MPRIP: variants seen among roughly 807,000 people sequenced by gnomAD.
The protein encoded by MPRIP is myosin phosphatase Rho interacting protein, also known as myosin phosphatase Rho-interacting protein.
In MPRIP, 59 loss-of-function variants were observed where a neutral mutation model predicts 234.9. The observed-to-expected ratio is 0.25, with a 90% CI of 0.20 to 0.31. The LOEUF (loss-of-function observed/expected upper bound fraction) is 0.31. MPRIP is among the 10% of genes least tolerant of loss of function. MPRIP has a pLI of 1.00. For synonymous variants in MPRIP, 1,144 were observed against 1,263.9 expected, an observed-to-expected ratio of 0.91 and a Z score of 2.01; for missense variants, 2,436 against 3,071.0, an observed-to-expected ratio of 0.79 and a Z score of 4.89.
intron 3 of MPRIP, among the ~76,000 whole-genome samples, chr17:17,116,912 C>T (rs2090296480): frequency 6.6e-6 from 1 of 152,252 alleles, no homozygotes; most frequent in Non-Finnish European, 1.5e-5. Flanking sequence ...CTGCACGGTA[C>T]TCAGCTGCCT....
intron 3 of MPRIP, among the ~76,000 whole-genome samples, chr17:17,122,144 A>G (rs2090401336): frequency 6.6e-6 from 1 of 152,170 alleles, no homozygotes; most frequent in African/African-American, 2.4e-5. Flanking sequence ...TAATAGAATG[A>G]CTTATATTCC....
At chr17:17,092,506 C>T (rs1478373519) in intron 3 of MPRIP, among the ~76,000 whole-genome samples, 3 of 152,052 alleles carry the variant, frequency 2.0e-5, no homozygotes, top group African/African-American at 2.4e-5. Context: ...GAGTGGGGGA[C>T]GGAGAGGCCA....
chr17:17,054,061 ACTTC>A (rs1332880224), intron 1 of MPRIP, among the ~76,000 whole-genome samples: 1 of 152,242 alleles, frequency 6.6e-6, no homozygotes, highest in Admixed American at 6.5e-5. Flanking sequence ...AATTAACCAA[ACTTC>A]TAAATAAAGA....
chr17:17,142,717 C>G lies in MPRIP; in HGVS notation c.1341C>G (p.Ser447Arg). ...ATGCAGTGGGGCCCTCACCATCCAG[C>G]GACACACGCCAGGGCCGCAGCGAGA... Reference protein sequence around the residue: ...ETNAVGPSPSSDTRQGRSEKR... With the variant: ...ETNAVGPSPSRDTRQGRSEKR... The change falls in exon 8 of 24, where the codon AGC becomes AGG. Residue 447 changes from serine to arginine, a missense_variant. This residue lies in a region of MPRIP where 267 missense variants were observed against 252.7 expected (regional missense o/e 1.06). Coordinates refer to ENST00000651222, the MANE Select transcript of MPRIP (RefSeq NM_001364716.4). 6.2e-7 allele frequency: 1 copy of G among 1,612,502 alleles called. No individual in the cohort carries two copies. Among genetic ancestry groups the G allele is most frequent in the Non-Finnish European group, 8.5e-7 (1 of 1,179,982 alleles).
chr17:17,111,922 GT>G (rs958794998), intron 3 of MPRIP, among the ~76,000 whole-genome samples: 2 of 152,064 alleles, frequency 1.3e-5, no homozygotes, highest in Non-Finnish European at 2.9e-5. Context: ...CCTGGCATTT[GT>G]TTAGCTTGCC....
rs1291367459 is a variant in MPRIP, at chr17:17,190,571, AG to A, written c.*5678del. ...TCTCAAATTTTGTCTGCCAGGGACA[AG>A]ACCCTGTTCATTCTTTTGCCCTTTT... On this transcript the variant is annotated 3_prime_UTR_variant, in exon 24 of 24. Coordinates refer to ENST00000651222, the MANE Select transcript of MPRIP (RefSeq NM_001364716.4). 1.3e-5 allele frequency: 2 copies of A among 152,254 alleles called. No homozygotes were observed. Among genetic ancestry groups the A allele is most frequent in the Non-Finnish European group, 2.9e-5 (2 of 68,050 alleles). 9.4% of individuals were successfully genotyped at this position (152,254 alleles called of 1,614,324 possible). A position where few individuals can be genotyped will look rare whatever the true frequency, so the allele number is the denominator to read the frequency against.
At chr17:17,117,620 A>G (rs2090311587) in intron 3 of MPRIP, among the ~76,000 whole-genome samples, 1 of 152,204 alleles carries the variant, frequency 6.6e-6, no homozygotes, top group African/African-American at 2.4e-5. Context: ...CCACTGATGG[A>G]CATTTGGGCT....
At chr17:17,159,435 C>T (rs1269454256) in intron 14 of MPRIP, among the ~76,000 whole-genome samples, 1 of 152,124 alleles carries the variant, frequency 6.6e-6, no homozygotes, top group Non-Finnish European at 1.5e-5. Flanking sequence ...TGGGGACGGC[C>T]GATCAGATCT....
At position 17,166,524 on chromosome 17, in the gene MPRIP, G is replaced by A. The variant is rs556312130; in HGVS notation, c.4933G>A (p.Gly1645Ser). 225 of 1,304,248 alleles carry A rather than the reference G, an allele frequency of 1.7e-4. 2 individuals are homozygous for A. The highest frequency in any genetic ancestry group is 2.3e-4 in the South Asian group (19 of 81,036). The allele number at this position is 1,304,248 out of a possible 1,614,324, so 80.8% of individuals were successfully genotyped here. Residue 1645 changes from glycine to serine, a missense_variant, in exon 16 of 24, where the codon GGT becomes AGT. By Grantham distance (56) the Gly-to-Ser change is moderately conservative. This residue lies in a region of MPRIP where 1,998 missense variants were observed against 2,520.3 expected (regional missense o/e 0.79). Transcript: ENST00000651222. The surrounding 1 kb of genome is among the most constrained non-coding windows in gnomAD (Gnocchi z 4.4). The stretch of plus-strand genomic sequence containing the variant: ...GGGGACACTGGGAGGAGAGGCAGTC[G>A]GTGCCTCAGGAGACGGGCAGCAAAG... Reference protein sequence around the residue: ...HLGTLGGEAVGASGDGQQSIP... With the variant: ...HLGTLGGEAVSASGDGQQSIP...
rs140835656 is a variant in MPRIP at position 17,075,632 on chromosome 17, G to A, written c.124-78G>A. ...CAGAGGCAACATCTGTTTCCAGCGA[G>A]TGCTTGCTGTTAACTTGACCTGTTC... On this transcript the variant is annotated intron_variant, in intron 1 of 23. Transcript: ENST00000651222. 61 of 1,226,002 alleles carry A rather than the reference G, an allele frequency of 5.0e-5. No homozygotes were observed. In the African/African-American group the frequency reaches 7.1e-4, roughly 14 times the overall value. The allele number at this position is 1,226,002 out of a possible 1,614,324, so 75.9% of individuals were successfully genotyped here.
At chr17:17,069,248 C>G (rs969100288) in intron 1 of MPRIP, among the ~76,000 whole-genome samples, 1 of 152,246 alleles carries the variant, frequency 6.6e-6, no homozygotes, top group South Asian at 2.1e-4. Context: ...AACAACTCTG[C>G]TCTCCTTAGA....
intron 14 of MPRIP, among the ~76,000 whole-genome samples, chr17:17,160,956 A>G (rs895081142): frequency 1.3e-5 from 2 of 152,198 alleles, no homozygotes; most frequent in Non-Finnish European, 2.9e-5. Flanking sequence ...AACCTTGAGC[A>G]GGTGTGGGAA....
At chr17:17,054,467 A>G (rs1482184473) in intron 1 of MPRIP, among the ~76,000 whole-genome samples, 1 of 152,198 alleles carries the variant, frequency 6.6e-6, no homozygotes, top group African/African-American at 2.4e-5. Context: ...AGCCTCTCCC[A>G]GGGCACAAAG....
chr17:17,078,227 C>T lies in MPRIP; in HGVS notation c.267+151C>T. 3.8e-6 allele frequency: 3 copies of T among 784,242 alleles called. No homozygotes were observed. Among genetic ancestry groups the T allele is most frequent in the Non-Finnish European group, 4.2e-6 (2 of 481,580 alleles). 48.6% of individuals were successfully genotyped at this position (784,242 alleles called of 1,614,324 possible). ...GGAATGTTTTGAAGAACTTGTGGCA[C>T]CTGCTGGAGACAGCTTTAAAAACCC... On this transcript the variant is annotated intron_variant, in intron 3 of 23. Transcript: ENST00000651222. This position sits in a 1 kb window ranked among gnomAD's most constrained non-coding sequence, Gnocchi z 4.3.
At chr17:17,088,472 A>G (rs945956696) in intron 3 of MPRIP, among the ~76,000 whole-genome samples, 4 of 152,242 alleles carry the variant, frequency 2.6e-5, no homozygotes, top group African/African-American at 4.8e-5. Flanking sequence ...TGTCAAAAAA[A>G]GTCATTTCAT....
At chr17:17,104,110 C>T (rs1288417325) in intron 3 of MPRIP, among the ~76,000 whole-genome samples, 2 of 152,174 alleles carry the variant, frequency 1.3e-5, no homozygotes, top group Non-Finnish European at 2.9e-5. Context: ...ACACTAAGTG[C>T]TCGTAAACAC....
rs1384598381 is a variant in MPRIP at position 17,167,787 on chromosome 17, C to T, written c.6196C>T (p.Leu2066=). ...GGGAGAGGCTGACTCCATGACGGGG[C>T]TGAGGGAGCGCATCCAGGAGCTGGA... ...TQGEADSMTG[L]RERIQELEAQ... is the part of the protein sequence containing the mutation. Residue 2066 remains leucine (L), a synonymous_variant, in exon 16 of 24, where the codon CTG becomes TTG. Coordinates refer to ENST00000651222, the MANE Select transcript of MPRIP (RefSeq NM_001364716.4). The surrounding 1 kb of genome is among the most constrained non-coding windows in gnomAD (Gnocchi z 5.9). 7.7e-6 allele frequency: 10 copies of T among 1,304,230 alleles called. No individual in the cohort carries two copies. The highest frequency in any genetic ancestry group is 1.0e-5 in the Non-Finnish European group (10 of 988,950). 80.8% of individuals were successfully genotyped at this position (1,304,230 alleles called of 1,614,324 possible). A position where few individuals can be genotyped will look rare whatever the true frequency, so the allele number is the denominator to read the frequency against.
intron 21 of MPRIP, 44 bp from the exon 22 acceptor site, chr17:17,177,206 C>A: frequency 6.3e-7 from 1 of 1,588,244 alleles, no homozygotes; most frequent in South Asian, 1.1e-5. Flanking sequence ...ATGTGCTCCT[C>A]TTTCCTGGAT....
intron 3 of MPRIP, among the ~76,000 whole-genome samples, chr17:17,105,802 C>T (rs1378440919): frequency 6.6e-6 from 1 of 152,226 alleles, no homozygotes; most frequent in Non-Finnish European, 1.5e-5. Context: ...CAGGGCCTTC[C>T]TTTCAAGGAT....
Sources: gnomAD v4.1 joint callset for allele counts (sites outside exome capture counted in the v4.1 genomes callset) on GRCh38, gnomAD v4.1.1 for gene constraint, gnomAD v4.1.1 regional missense constraint, Gnocchi (gnomAD v3.1) non-coding constraint, MANE v1.5 for transcripts, NCBI Gene and HGNC (gene_info 2026-07-23, HGNC 2026-07-21) for gene names.